NEB: variants seen among roughly 807,000 people sequenced by gnomAD.
The protein encoded by NEB is nebulin, also known as nemaline myopathy type 2.
NEB carries 512 observed loss-of-function variants against 952.2 expected under a neutral mutation model. The ratio of observed to expected loss-of-function variants is 0.54; its 90% CI spans 0.50 to 0.58. The LOEUF is 0.58. Ranked by LOEUF, NEB falls within the 20% of genes least tolerant of loss-of-function variation. The pLI is 0.00. For synonymous variants in NEB, 2,900 were observed against 3,149.8 expected (o/e 0.92, Z 2.66); for missense variants, 8,428 against 9,231.1 (o/e 0.91, Z 3.56).
In NEB at chr2:151,553,832, C is replaced by T; in HGVS notation, c.19622G>A (p.Ser6541Asn). The change falls in exon 126 of 182, where the codon AGC (serine) becomes AAC (asparagine). Residue 6541 changes from serine to asparagine, a missense_variant. Coordinates refer to ENST00000397345, the MANE Select transcript of NEB (RefSeq NM_001164508.2). Reference protein sequence around the residue: ...DHVRKVTDQISDIVYKDDLNW... With the variant: ...DHVRKVTDQINDIVYKDDLNW... ...CTTCTTAAGTCACAGGCTTACATCG[C>T]TGATCTGATCTGTGACTTTCCTGAC... 4 of 1,609,836 alleles carry T rather than the reference C, an allele frequency of 2.5e-6. No individual in the cohort carries two copies. The highest frequency in any genetic ancestry group is 2.5e-6 in the Non-Finnish European group (3 of 1,177,480).
intron 157 of NEB, among the ~76,000 whole-genome samples, chr2:151,515,215 A>T (rs1453255207): frequency 1.3e-5 from 2 of 152,226 alleles, no homozygotes; most frequent in Admixed American, 1.3e-4. Context: ...TGGATGCACC[A>T]TCAGGACTCT....
chr2:151,499,438 A>G, intron 168 of NEB, 48 bp from the exon 169 acceptor site: 1 of 1,037,398 alleles, frequency 9.6e-7, no homozygotes, highest in South Asian at 1.4e-5. Flanking sequence ...CAGTCAAAAC[A>G]GCCCTTTCAT....
intron 105 of NEB, among the ~76,000 whole-genome samples, chr2:151,577,194 C>T (rs1014005375): frequency 1.3e-5 from 2 of 152,132 alleles, no homozygotes; most frequent in Non-Finnish European, 2.9e-5. Flanking sequence ...GGCTTCCCAT[C>T]GGTCATAGGA....
At position 151,663,768 on chromosome 2, in the gene NEB, T is replaced by C. The variant is rs1378896254; in HGVS notation, c.5543A>G (p.Gln1848Arg). 6.2e-7 allele frequency: 1 copy of C among 1,613,874 alleles called. No individual in the cohort carries two copies. The highest frequency in any genetic ancestry group is 2.2e-5 in the East Asian group (1 of 44,882). The change falls in exon 45 of 182, where the codon CAA becomes CGA. Residue 1848 changes from glutamine (Q) to arginine (R), a missense_variant. By Grantham distance (43) the Gln-to-Arg change is conservative. This residue lies in a region of NEB where 2,851 missense variants were observed against 2,791.5 expected (regional missense o/e 1.02). Coordinates refer to ENST00000397345, the MANE Select transcript of NEB (RefSeq NM_001164508.2). The part of the protein sequence containing the change: ...EDDPKLVHFM[Q>R]VAKMQSDREY... Reference sequence around the variant, plus strand: ...CCGGTCTGACTGCATCTTGGCCACTTGCATGAAGTGCACCAGCTTGGGGTC... The same window carrying C: ...CCGGTCTGACTGCATCTTGGCCACTCGCATGAAGTGCACCAGCTTGGGGTC...
At chr2:151,573,533 G>T (rs141698756) in intron 107 of NEB, among the ~76,000 whole-genome samples, 5 of 152,210 alleles carry the variant, frequency 3.3e-5, no homozygotes, top group African/African-American at 7.2e-5. Context: ...ATACATCAGC[G>T]CCCTAAAATT....
intron 84 of NEB, among the ~76,000 whole-genome samples, chr2:151,605,341 C>T (rs200145194): frequency 0.19 from 19,563 of 102,010 alleles, 4,464 homozygotes; most frequent in Middle Eastern, 0.35. Flanking sequence ...CATCACCAAG[C>T]TTCCCTGACA....
chr2:151,626,428 G>C (rs1264046671), intron 70 of NEB, among the ~76,000 whole-genome samples: 1 of 151,172 alleles, frequency 6.6e-6, no homozygotes, highest in Non-Finnish European at 1.5e-5. Flanking sequence ...CATCTTTCTT[G>C]TTTGCTCTGT....
intron 13 of NEB, among the ~76,000 whole-genome samples, chr2:151,704,726 A>T (rs531581372): frequency 9.9e-5 from 15 of 152,188 alleles, no homozygotes; most frequent in Non-Finnish European, 1.9e-4. Context: ...GCTCACGCAC[A>T]GTGCGAGCAC....
intron 161 of NEB, among the ~76,000 whole-genome samples, chr2:151,510,175 C>CTA (rs2073007331): frequency 6.6e-6 from 1 of 152,258 alleles, no homozygotes; most frequent in African/African-American, 2.4e-5. Flanking sequence ...TTGTCTCCTG[C>CTA]TAAATCAGGG....
chr2:151,487,469 A>G (rs746461699), intron 181 of NEB, among the ~76,000 whole-genome samples: 3 of 152,208 alleles, frequency 2.0e-5, no homozygotes, highest in East Asian at 1.9e-4. Context: ...GAACATTACT[A>G]TAAATAATAC....
chr2:151,663,904 A>G, intron 44 of NEB, 45 bp from the exon 45 acceptor site: 2 of 1,550,642 alleles, frequency 1.3e-6, no homozygotes, highest in South Asian at 1.2e-5. Flanking sequence ...GGTAAAAGAG[A>G]ACAAAGTACC....
chr2:151,706,807 T>G, intron 13 of NEB, 74 bp downstream of exon 13: 1 of 1,024,174 alleles, frequency 9.8e-7, no homozygotes, highest in South Asian at 1.4e-5. Context: ...TATATTCATT[T>G]AGTCATTAAA....
chr2:151,507,936 A>T (rs1358914409), intron 162 of NEB, 69 bp downstream of exon 162: 6 of 1,094,880 alleles, frequency 5.5e-6, no homozygotes, highest in Non-Finnish European at 8.2e-6. Context: ...AGCCTGGGAT[A>T]TCCAGAGGCA....
Position 151,695,808 on chromosome 2 carries a change from T to C in NEB, c.1570-126A>G, listed in dbSNP as rs1445002464. The C allele has an allele frequency of 1.1e-5, 8 of 705,852 alleles. No homozygotes were observed. The East Asian group carries it at 1.4e-4, about 12-fold the overall frequency. The allele number at this position is 705,852 out of a possible 1,614,324, so 43.7% of individuals were successfully genotyped here. On this transcript the variant is annotated intron_variant, in intron 17 of 181. Coordinates refer to ENST00000397345, the MANE Select transcript of NEB (RefSeq NM_001164508.2). ...TCAGAAGAGACATCTAGAGCTTGGG[T>C]AGGCCATCTGCATTACTGATCCTGT... is the stretch of plus-strand genomic sequence containing the variant.
At chr2:151,525,365 T>C in intron 150 of NEB, 92 bp from the exon 151 acceptor site, 2 of 929,988 alleles carry the variant, frequency 2.2e-6, no homozygotes, top group Non-Finnish European at 1.7e-6. Context: ...GGAAAATCCA[T>C]GCTCCCCATT....
rs1188171546 is a variant in NEB at position 151,564,832 on chromosome 2, C to T, written c.18471+212G>A. Among the ~76,000 whole-genome samples the T allele has an allele frequency of 6.6e-5, 10 of 152,082 alleles. No individual in the cohort carries two copies. In the South Asian group the frequency reaches 1.2e-3, roughly 19 times the overall value. Reference sequence around the variant, plus strand: ...GCCCCTCATTGCCTCCTAAAGAGCCCGGCACATCACGGGAGCTCAAAAGCA... The same window carrying T: ...GCCCCTCATTGCCTCCTAAAGAGCCTGGCACATCACGGGAGCTCAAAAGCA... On this transcript the variant is annotated intron_variant, in intron 117 of 181. Coordinates refer to ENST00000397345, the MANE Select transcript of NEB (RefSeq NM_001164508.2).
intron 46 of NEB, 119 bp from the exon 47 acceptor site, chr2:151,659,288 T>C (rs2099120160): frequency 7.1e-6 from 4 of 566,432 alleles, no homozygotes; most frequent in Admixed American, 3.2e-5. Context: ...AGGTTTAAAT[T>C]AATTAATTTA....
At chr2:151,724,769 T>A (rs1165500161) in intron 7 of NEB, 88 bp downstream of exon 7, 3 of 1,061,032 alleles carry the variant, frequency 2.8e-6, no homozygotes, top group Non-Finnish European at 4.2e-6. Flanking sequence ...GTGGGCAGGA[T>A]CAGGCCTGTC....
rs754749448 is a variant in NEB, at chr2:151,562,212, A to G, written c.18894T>C (p.Asn6298=). 1 of 1,604,672 alleles carries G rather than the reference A, an allele frequency of 6.2e-7. No homozygotes were observed. Among genetic ancestry groups the G allele is most frequent in the Non-Finnish European group, 8.5e-7 (1 of 1,171,476 alleles). The change falls in exon 121 of 182, where the codon AAT becomes AAC. Residue 6298 remains asparagine (N), a splice_region_variant and synonymous_variant. Coordinates refer to ENST00000397345, the MANE Select transcript of NEB (RefSeq NM_001164508.2). ...ACCAATTCAGGTCATCTTTATACACATTCTGCAAGAAAGAGAGAACAATGA... is the reference window on the plus strand; with the variant it reads ...ACCAATTCAGGTCATCTTTATACACGTTCTGCAAGAAAGAGAGAACAATGA... ...VRNAQEILSD[N]VYKDDLNWLK...
Sources: gnomAD v4.1 joint callset for allele counts (sites outside exome capture counted in the v4.1 genomes callset) on GRCh38, gnomAD v4.1.1 for gene constraint, gnomAD v4.1.1 regional missense constraint, MANE v1.5 for transcripts, NCBI Gene and HGNC (gene_info 2026-07-23, HGNC 2026-07-21) for gene names.